DOC2B: variants seen among roughly 807,000 people sequenced by gnomAD.
The protein encoded by DOC2B is double C2-like domain-containing protein beta.
A neutral mutation model predicts 28.9 loss-of-function variants in DOC2B; 21 were observed. That is an observed-to-expected ratio of 0.73 (90% confidence interval 0.52 to 1.05). The LOEUF (loss-of-function observed/expected upper bound fraction) is 1.05. Ranked by LOEUF, DOC2B falls within the 50% of genes least tolerant of loss-of-function variation. The pLI is 0.00. For synonymous variants in DOC2B, 194 were observed against 178.1 expected (o/e 1.09, Z -0.71); for missense variants, 384 against 421.1 (o/e 0.91, Z 0.77).
At chr17:153,742 T>C (rs576339859) in intron 6 of DOC2B, among the ~76,000 whole-genome samples, 1 of 151,836 alleles carries the variant, frequency 6.6e-6, no homozygotes, top group Admixed American at 6.6e-5. Context: ...AGATTGCATA[T>C]CCTCCTGCAA....
At chr17:157,797 G>T (rs187800546) in intron 5 of DOC2B, among the ~76,000 whole-genome samples, 1 of 152,320 alleles carries the variant, frequency 6.6e-6, no homozygotes, top group Admixed American at 6.5e-5. Flanking sequence ...TGGCACTAAG[G>T]GCCCACTGGA....
At position 143,425 on chromosome 17, in the gene DOC2B, G is replaced by C. The variant is rs1381624025; in HGVS notation, c.*4016C>G. The C allele has an allele frequency of 6.7e-6, 1 of 149,906 alleles. No individual in the cohort carries two copies. The highest frequency in any genetic ancestry group is 1.5e-5 in the Non-Finnish European group (1 of 67,898). 9.3% of individuals were successfully genotyped at this position (149,906 alleles called of 1,614,324 possible). On this transcript the variant is annotated 3_prime_UTR_variant, in exon 9 of 9. Transcript: ENST00000613549. ...GCTCACTGCAATCCCCACTTTCCAG[G>C]CTCAAGCGATCCTCCTCCTCCTACC...
chr17:161,018 C>G (rs1220431405), intron 5 of DOC2B, among the ~76,000 whole-genome samples: 1 of 152,098 alleles, frequency 6.6e-6, no homozygotes, highest in Non-Finnish European at 1.5e-5. Flanking sequence ...CCTTCCCTCA[C>G]CCAAGGACGT....
chr17:172,676 C>A, intron 1 of DOC2B, 60 bp from the exon 2 acceptor site: 2 of 1,409,664 alleles, frequency 1.4e-6, no homozygotes, highest in East Asian at 2.5e-5. Context: ...GCTTCGCCTG[C>A]CCCTGTGAGA....
chr17:156,420 CCT>C lies in DOC2B; in HGVS notation c.766-45_766-44del, dbSNP rs757485233. 57 of 1,541,046 alleles carry C rather than the reference CCT, an allele frequency of 3.7e-5. 2 individuals carry two copies. The East Asian group carries it at 9.7e-4, about 26-fold the overall frequency. ...CACTCAGTCCTCACCTGCTCCCACC[CCT>C]CTCTTGGCCGTCCTTGGCCTCCTCT... On this transcript the variant is annotated intron_variant, in intron 5 of 8. Transcript: ENST00000613549.
chr17:149,368 C>T (rs2040048299), intron 6 of DOC2B, among the ~76,000 whole-genome samples, 176 bp from the exon 7 acceptor site: 1 of 152,074 alleles, frequency 6.6e-6, no homozygotes, highest in East Asian at 1.9e-4. Flanking sequence ...ACGTTGTTTT[C>T]GAGAAGCAAG....
intron 2 of DOC2B, among the ~76,000 whole-genome samples, chr17:164,681 G>C (rs1054755704): frequency 2.6e-5 from 4 of 152,008 alleles, no homozygotes; most frequent in Non-Finnish European, 5.9e-5. Flanking sequence ...AGTCCACAGA[G>C]ATCACACAAG....
At position 181,001 on chromosome 17, in the gene DOC2B, G is replaced by A. The variant is rs1326328564; in HGVS notation, c.373+106C>T. 2.0e-6 allele frequency: 2 copies of A among 991,680 alleles called. No homozygotes were observed. Among genetic ancestry groups the A allele is most frequent in the East Asian group, 7.0e-5 (2 of 28,724 alleles). The allele number at this position is 991,680 out of a possible 1,614,324, so 61.4% of individuals were successfully genotyped here. ...CGCGGCGGGGTTGTGAACCGAGGCAGAGCGCGAGCGCGCGAGGGGGACCGG... is the reference window on the plus strand; with the variant it reads ...CGCGGCGGGGTTGTGAACCGAGGCAAAGCGCGAGCGCGCGAGGGGGACCGG... On this transcript the variant is annotated intron_variant, in intron 1 of 8. Coordinates refer to ENST00000613549, the MANE Select transcript of DOC2B (RefSeq NM_003585.5). This position sits in a 1 kb window ranked among gnomAD's most constrained non-coding sequence, Gnocchi z 7.0.
intron 5 of DOC2B, 150 bp downstream of exon 5, chr17:161,265 C>T: frequency 1.2e-6 from 1 of 828,574 alleles, no homozygotes; most frequent in Non-Finnish European, 1.9e-6. Flanking sequence ...TTCCTCACCT[C>T]CACCCCCTTG....
chr17:148,709 T>G (rs2151457500), intron 7 of DOC2B, among the ~76,000 whole-genome samples: 1 of 152,226 alleles, frequency 6.6e-6, no homozygotes, highest in African/African-American at 2.4e-5. Flanking sequence ...CCAAGGCCCC[T>G]CTGCTCTTCT....
chr17:166,072 G>A (rs1025789115), intron 2 of DOC2B, among the ~76,000 whole-genome samples: 20 of 152,310 alleles, frequency 1.3e-4, no homozygotes, highest in Admixed American at 6.5e-4. Context: ...TGGGACGGGA[G>A]TGATGCCTGC....
At chr17:160,169 G>C (rs1319639466) in intron 5 of DOC2B, among the ~76,000 whole-genome samples, 1 of 152,116 alleles carries the variant, frequency 6.6e-6, no homozygotes, top group African/African-American at 2.4e-5. Flanking sequence ...ATTTTTAGCA[G>C]AGACGGGGTT....
At chr17:149,379 T>C (rs1193013689) in intron 6 of DOC2B, among the ~76,000 whole-genome samples, 187 bp from the exon 7 acceptor site, 1 of 152,152 alleles carries the variant, frequency 6.6e-6, no homozygotes, top group African/African-American at 2.4e-5. Flanking sequence ...GAGAAGCAAG[T>C]GGTCCCTTCA....
In DOC2B at chr17:160,042, C is replaced by T. The variant is rs544342929; in HGVS notation, c.765+1373G>A. On this transcript the variant is annotated intron_variant, in intron 5 of 8. Coordinates refer to ENST00000613549, the MANE Select transcript of DOC2B (RefSeq NM_003585.5). ...TCTTGTCACCCAGGCTGGAGTGCAA[C>T]GGTGCAATCTCGGCTCACTGCAACC... 1.0e-3 allele frequency among the ~76,000 whole-genome samples: 155 copies of T among 148,274 alleles called. 1 individual carries two copies. Among genetic ancestry groups the T allele is most frequent in the African/African-American group, 3.7e-3 (149 of 40,160 alleles).
intron 6 of DOC2B, 113 bp downstream of exon 6, chr17:156,107 T>G (rs1322531210): frequency 2.4e-6 from 3 of 1,246,378 alleles, no homozygotes; most frequent in Non-Finnish European, 3.3e-6. Context: ...ACAGCGCCCC[T>G]GTACCTCAGG....
intron 5 of DOC2B, among the ~76,000 whole-genome samples, chr17:159,725 CAATGGGCCG>C (rs952992397): frequency 3.1e-4 from 47 of 152,258 alleles, no homozygotes; most frequent in Middle Eastern, 3.4e-3. Context: ...TGAACGGCAC[CAATGGGCCG>C]GTAGCGCATC....
At chr17:156,480 GGC>G in intron 5 of DOC2B, 103 bp from the exon 6 acceptor site, 1 of 1,359,328 alleles carries the variant, frequency 7.4e-7, no homozygotes, top group Non-Finnish European at 1.0e-6. Flanking sequence ...GCTGCAGCCG[GGC>G]CTGGTCACGG....
chr17:160,900 A>G (rs2040194004), intron 5 of DOC2B, among the ~76,000 whole-genome samples: 1 of 152,090 alleles, frequency 6.6e-6, no homozygotes, highest in African/African-American at 2.4e-5. Context: ...ACATGTTCCA[A>G]GCGTGCTCCT....
rs2040012469 is a variant in DOC2B, at chr17:145,533, T to A, written c.*1908A>T. On this transcript the variant is annotated 3_prime_UTR_variant, in exon 9 of 9. Coordinates refer to ENST00000613549, the MANE Select transcript of DOC2B (RefSeq NM_003585.5). ...CTTCCTAAAGGCAGGGAGACAAGTC[T>A]CCAGGAGCAGCAGGTGGCCAGGGAC... 1 of 152,932 alleles carries A rather than the reference T, an allele frequency of 6.5e-6. No individual in the cohort carries two copies. Among genetic ancestry groups the A allele is most frequent in the Admixed American group, 6.5e-5 (1 of 15,308 alleles). The allele number at this position is 152,932 out of a possible 1,614,324, so 9.5% of individuals were successfully genotyped here. A position where few individuals can be genotyped will look rare whatever the true frequency, so the allele number is the denominator to read the frequency against.
Sources: gnomAD v4.1 joint callset for allele counts (sites outside exome capture counted in the v4.1 genomes callset) on GRCh38, gnomAD v4.1.1 for gene constraint, Gnocchi (gnomAD v3.1) non-coding constraint, MANE v1.5 for transcripts, NCBI Gene and HGNC (gene_info 2026-07-23, HGNC 2026-07-21) for gene names.